The following CANX variants were observed in gnomAD, a reference collection of about 807,000 sequenced individuals.
The protein encoded by CANX is calnexin.
CANX carries 14 observed loss-of-function variants against 75.7 expected under a neutral mutation model. The ratio of observed to expected loss-of-function variants is 0.19; its 90% CI spans 0.12 to 0.29. The LOEUF is 0.29. Ranked by LOEUF, CANX falls within the 10% of genes least tolerant of loss-of-function variation. The probability of loss-of-function intolerance (pLI) is 1.00; values close to 1 mark genes in which losing one functional copy is unlikely to be tolerated. For missense variants in CANX, 567 were observed against 713.2 expected (o/e 0.79, Z 2.34); for synonymous variants, 227 against 236.9 (o/e 0.96, Z 0.38).
At position 179,715,929 on chromosome 5, in the gene CANX, T is replaced by TGCATAAGGAAATGGGC. The variant is rs1283902951; in HGVS notation, c.722-174_722-159dup. On this transcript the variant is annotated intron_variant, in intron 7 of 14. Transcript: ENST00000247461. ...CGAGGGACTAATCATTTATGTTTCG[T>TGCATAAGGAAATGGGC]GCATAAGGAAATGGGCGTTAGCTTC... The TGCATAAGGAAATGGGC allele has an allele frequency of 5.8e-6, 4 of 692,706 alleles. No homozygotes were observed. The African/African-American group carries it at 7.0e-5, about 12-fold the overall frequency. 42.9% of individuals were successfully genotyped at this position (692,706 alleles called of 1,614,324 possible).
intron 7 of CANX, chr5:179,715,793 G>T (rs1009624478): frequency 5.3e-6 from 2 of 380,826 alleles, no homozygotes; most frequent in Non-Finnish European, 9.8e-6. Flanking sequence ...CCCAATAATT[G>T]TGTTAGTTTA....
At chr5:179,719,632 G>C in intron 8 of CANX, 36 bp from the exon 9 acceptor site, 1 of 1,185,796 alleles carries the variant, frequency 8.4e-7, no homozygotes, top group Non-Finnish European at 1.3e-6. Context: ...ACTGTGACCA[G>C]TGTTGTCATA....
chr5:179,695,534 G>A (rs985489365), upstream of CANX, among the ~76,000 whole-genome samples: 11 of 150,020 alleles, frequency 7.3e-5, 1 homozygote, highest in East Asian at 5.9e-4. Context: ...TCTCCATGTT[G>A]GTCAGGTTGG....
At chr5:179,693,684 A>T (rs1214374500), upstream of CANX, among the ~76,000 whole-genome samples, 1 of 151,784 alleles carries the variant, frequency 6.6e-6, no homozygotes, top group Non-Finnish European at 1.5e-5. Flanking sequence ...AAATAAAATA[A>T]AAATAAAAAC....
chr5:179,719,168 CTT>C (rs1458035539), intron 8 of CANX, among the ~76,000 whole-genome samples: 1 of 152,172 alleles, frequency 6.6e-6, no homozygotes, highest in Non-Finnish European at 1.5e-5. Flanking sequence ...TGGTAACTAA[CTT>C]TTTGAGAAAC....
chr5:179,715,045 A>T (rs1224112003), intron 7 of CANX, among the ~76,000 whole-genome samples: 7 of 152,180 alleles, frequency 4.6e-5, no homozygotes, highest in African/African-American at 7.2e-5. Context: ...GATTACAGGC[A>T]TGAGCCACCA....
At chr5:179,685,039 A>G (rs1347259742) in intron 1 of CANX, among the ~76,000 whole-genome samples, 1 of 146,986 alleles carries the variant, frequency 6.8e-6, no homozygotes, top group Non-Finnish European at 1.5e-5. Flanking sequence ...CTACCTCCCA[A>G]AGTGCTGGGA....
At chr5:179,713,887 C>T (rs1005704334) in intron 7 of CANX, among the ~76,000 whole-genome samples, 7 of 152,116 alleles carry the variant, frequency 4.6e-5, no homozygotes, top group Admixed American at 3.9e-4. Context: ...TGCACTCCAG[C>T]GTGGGTCACA....
At chr5:179,715,306 G>A (rs931150185) in intron 7 of CANX, among the ~76,000 whole-genome samples, 1 of 152,096 alleles carries the variant, frequency 6.6e-6, no homozygotes, top group Non-Finnish European at 1.5e-5. Context: ...CTGAGGTTGG[G>A]CAGATTGCCT....
chr5:179,687,903 C>T (rs547409638), intron 1 of CANX, among the ~76,000 whole-genome samples: 7 of 150,446 alleles, frequency 4.7e-5, no homozygotes, highest in South Asian at 4.4e-4. Context: ...GGTGTGGTGG[C>T]GCACACCTGT....
chr5:179,694,607 C>CATCA (rs1449188028), upstream of CANX: 23 of 994,492 alleles, frequency 2.3e-5, no homozygotes, highest in Admixed American at 3.5e-5. Context: ...AGCAGCCTTA[C>CATCA]ATCACTAAGA....
upstream of CANX, chr5:179,698,895 C>G: frequency 8.7e-7 from 1 of 1,153,612 alleles, no homozygotes; most frequent in Non-Finnish European, 1.1e-6. Flanking sequence ...GACTTGGCGC[C>G]GGCTGTGGCT....
upstream of CANX, chr5:179,694,620 G>T (rs1776358057): frequency 1.0e-6 from 1 of 961,276 alleles, no homozygotes; most frequent in South Asian, 1.3e-5. Flanking sequence ...CACTAAGACG[G>T]CAAAGCTGAA....
intron 1 of CANX, among the ~76,000 whole-genome samples, chr5:179,680,188 GGAAGGTGGACCAGTGCACTATGT>G (rs2127761063): frequency 6.6e-6 from 1 of 152,140 alleles, no homozygotes; most frequent in Admixed American, 6.6e-5. Context: ...GAGGAAGCTG[GGAAGGTGGACCAGTGCACTATGT>G]GAAGGTGCCC....
chr5:179,697,424 T>G (rs143879974), upstream of CANX, among the ~76,000 whole-genome samples: 1 of 152,304 alleles, frequency 6.6e-6, no homozygotes, highest in Admixed American at 6.5e-5. Flanking sequence ...CAGAATCCCA[T>G]TGAATTCTCC....
chr5:179,706,356 T>C (rs1010785002), intron 3 of CANX, 25 bp downstream of exon 3: 9 of 1,259,858 alleles, frequency 7.1e-6, no homozygotes, highest in Non-Finnish European at 1.0e-5. Context: ...GAGAAATATA[T>C]GTTAGAGGCA....
At chr5:179,707,891 G>C (rs971742623) in intron 4 of CANX, among the ~76,000 whole-genome samples, 5 of 152,020 alleles carry the variant, frequency 3.3e-5, no homozygotes, top group African/African-American at 1.2e-4. Flanking sequence ...TTCTGGAATA[G>C]AGTGGCGTGA....
chr5:179,718,072 A>G (rs1314277006), intron 8 of CANX, among the ~76,000 whole-genome samples: 2 of 152,138 alleles, frequency 1.3e-5, no homozygotes, highest in East Asian at 1.9e-4. Flanking sequence ...TGGTACGGTC[A>G]CGGCTCACTG....
At position 179,731,587 on chromosome 5, in the gene CANX, T is replaced by A. The variant is rs533358549; in HGVS notation, c.*2943T>A. On this transcript the variant is annotated 3_prime_UTR_variant, in exon 15 of 15. Transcript: ENST00000247461. ...CTGCTGCGTTTGTATGAAGACATAT[T>A]TGATTGTTGTTTTCTCTTGATTTTA... is the stretch of plus-strand genomic sequence containing the variant. Among the ~76,000 whole-genome samples, 6 of 152,314 alleles carry A rather than the reference T, an allele frequency of 3.9e-5. No homozygotes were observed. In the East Asian group the frequency reaches 9.6e-4, roughly 24 times the overall value.
Sources: allele counts gnomAD v4.1 joint callset (sites outside exome capture counted in the v4.1 genomes callset), GRCh38; gene constraint gnomAD v4.1.1; transcripts MANE v1.5; gene names NCBI Gene and HGNC (gene_info 2026-07-23, HGNC 2026-07-21).